SAMMSON: variants seen among roughly 807,000 people sequenced by gnomAD.
SAMMSON encodes long intergenic non-protein coding RNA 1212.
rs1486563125 is a variant in SAMMSON at position 70,162,410 on chromosome 3, AT to A, written n.508-86696del. 3.9e-5 allele frequency among the ~76,000 whole-genome samples: 6 copies of A among 152,008 alleles called. No individual in the cohort carries two copies. In the South Asian group the frequency reaches 1.2e-3, roughly 32 times the overall value. On this transcript the variant is annotated intron_variant and non_coding_transcript_variant, in intron 4 of 9. Transcript: ENST00000642114. Reference sequence around the variant, plus strand: ...TCTTTAACCCTTGGGTTATTAAGAAATATGTTGTTTAATTTCCAAATGTTTG... The same window carrying A: ...TCTTTAACCCTTGGGTTATTAAGAAAATGTTGTTTAATTTCCAAATGTTTG...
intron 6 of SAMMSON, among the ~76,000 whole-genome samples, chr3:70,275,471 T>A (rs151294022): frequency 6.6e-6 from 1 of 152,294 alleles, no homozygotes; most frequent in East Asian, 1.9e-4. Context: ...GCAGTGATCA[T>A]GCCACTGCAT....
intron 4 of SAMMSON, chr3:70,197,326 C>G (rs898656823): frequency 2.0e-5 from 8 of 396,670 alleles, no homozygotes; most frequent in African/African-American, 1.4e-4. Context: ...CACCCTTCTT[C>G]TCTCAAGCTC....
At chr3:70,400,183 G>C (rs1701128607) in intron 2 of SAMMSON, among the ~76,000 whole-genome samples, 1 of 152,164 alleles carries the variant, frequency 6.6e-6, no homozygotes, top group Admixed American at 6.5e-5. Flanking sequence ...AAAACAACCA[G>C]TAAATAATAG....
intron 4 of SAMMSON, among the ~76,000 whole-genome samples, chr3:70,116,297 T>TTTTTC (rs1553640575): frequency 2.7e-5 from 4 of 150,876 alleles, no homozygotes; most frequent in African/African-American, 9.7e-5. Context: ...GCTTTCTTTT[T>TTTTTC]TTTTTTTTTT....
chr3:70,216,618 T>C (rs1701414653), intron 4 of SAMMSON, among the ~76,000 whole-genome samples: 1 of 152,140 alleles, frequency 6.6e-6, no homozygotes, highest in Non-Finnish European at 1.5e-5. Context: ...GGAATTTTAT[T>C]GAATATAATG....
chr3:70,255,371 T>G (rs1011081070), intron 6 of SAMMSON, among the ~76,000 whole-genome samples: 7 of 152,160 alleles, frequency 4.6e-5, no homozygotes, highest in Admixed American at 4.6e-4. Flanking sequence ...GTTCTTGACA[T>G]TTGGTTCATA....
chr3:70,001,718 A>C (rs2066906521), intron 1 of SAMMSON, among the ~76,000 whole-genome samples: 1 of 152,106 alleles, frequency 6.6e-6, no homozygotes, highest in African/African-American at 2.4e-5. Flanking sequence ...CCCTGTCCTC[A>C]AGTAGCCAAT....
intron 4 of SAMMSON, among the ~76,000 whole-genome samples, chr3:70,082,593 C>T (rs924107937): frequency 6.6e-6 from 1 of 152,122 alleles, no homozygotes; most frequent in East Asian, 1.9e-4. Flanking sequence ...CACTTACTTG[C>T]CAATACTTAG....
intron 4 of SAMMSON, among the ~76,000 whole-genome samples, chr3:70,174,944 ATACAT>A (rs1700998273): frequency 2.0e-5 from 3 of 152,084 alleles, no homozygotes; most frequent in African/African-American, 4.8e-5. Context: ...ACCTTCCCAC[ATACAT>A]TTTAATGTTT....
chr3:70,310,842 G>T (rs904085229), intron 7 of SAMMSON, among the ~76,000 whole-genome samples: 2 of 152,048 alleles, frequency 1.3e-5, no homozygotes, highest in African/African-American at 4.8e-5. Flanking sequence ...ATGATGAGGT[G>T]GTGGTTACAT....
chr3:70,433,738 C>G (rs189029196), intron 2 of SAMMSON, among the ~76,000 whole-genome samples: 1 of 152,046 alleles, frequency 6.6e-6, no homozygotes, highest in Non-Finnish European at 1.5e-5. Context: ...CCCAAGGTCA[C>G]CTAGATTTCC....
At chr3:70,371,692 C>A (rs140692136) in intron 9 of SAMMSON, among the ~76,000 whole-genome samples, 1 of 152,122 alleles carries the variant, frequency 6.6e-6, no homozygotes, top group East Asian at 1.9e-4. Flanking sequence ...TTGTGTCCTG[C>A]AACCTTAATA....
At chr3:70,134,745 A>G (rs2067499055) in intron 4 of SAMMSON, among the ~76,000 whole-genome samples, 1 of 152,194 alleles carries the variant, frequency 6.6e-6, no homozygotes, top group Admixed American at 6.5e-5. Context: ...TTTCTAAAAC[A>G]AATATATGTC....
At chr3:70,424,067 A>T (rs1701334626) in intron 2 of SAMMSON, among the ~76,000 whole-genome samples, 1 of 152,204 alleles carries the variant, frequency 6.6e-6, no homozygotes, top group African/African-American at 2.4e-5. Flanking sequence ...TCCAGTAGAG[A>T]TACAATTGAT....
intron 2 of SAMMSON, among the ~76,000 whole-genome samples, chr3:70,431,184 A>AAATAT (rs1048182566): frequency 2.0e-5 from 3 of 152,136 alleles, no homozygotes; most frequent in Non-Finnish European, 4.4e-5. Context: ...AACTTTGAAG[A>AAATAT]AATATCACTT....
intron 3 of SAMMSON, among the ~76,000 whole-genome samples, chr3:70,059,558 A>G (rs1303623245): frequency 6.6e-6 from 1 of 152,088 alleles, no homozygotes; most frequent in Non-Finnish European, 1.5e-5. Flanking sequence ...GAAGTGGGAG[A>G]AGATAAATAT....
At chr3:70,041,129 T>TG (rs1307376872) in intron 3 of SAMMSON, among the ~76,000 whole-genome samples, 1 of 152,124 alleles carries the variant, frequency 6.6e-6, no homozygotes, top group African/African-American at 2.4e-5. Flanking sequence ...AACTAGGCTT[T>TG]GGGGGCTGCT....
chr3:70,410,223 C>T (rs1182727915), intron 2 of SAMMSON, among the ~76,000 whole-genome samples: 4 of 152,250 alleles, frequency 2.6e-5, no homozygotes, highest in East Asian at 1.9e-4. Context: ...CTTGTGAATC[C>T]GTTCTACAAT....
chr3:70,372,310 T>G (rs1559575062), intron 9 of SAMMSON, among the ~76,000 whole-genome samples: 1 of 151,852 alleles, frequency 6.6e-6, no homozygotes, highest in African/African-American at 2.4e-5. Flanking sequence ...TTATTTTTAT[T>G]TATATATTTA....
Sources: gnomAD v4.1 joint callset for allele counts (sites outside exome capture counted in the v4.1 genomes callset) on GRCh38, gnomAD v4.1.1 for gene constraint, MANE v1.5 for transcripts, NCBI Gene and HGNC (gene_info 2026-07-23, HGNC 2026-07-21) for gene names.